The following SLC8A3 variants were observed in gnomAD, a reference collection of about 807,000 sequenced individuals.
SLC8A3 encodes sodium/calcium exchanger 3.
SLC8A3 carries 37 observed loss-of-function variants against 65.4 expected under a neutral mutation model. That is an observed-to-expected ratio of 0.57 (90% CI 0.44 to 0.74). The LOEUF is 0.74. Ranked by LOEUF, SLC8A3 falls within the 30% of genes least tolerant of loss-of-function variation. The probability of loss-of-function intolerance (pLI) is 0.00; values close to 1 mark genes in which losing one functional copy is unlikely to be tolerated. For missense variants in SLC8A3, 1,112 were observed against 1,172.1 expected, an observed-to-expected ratio of 0.95 and a Z score of 0.75; for synonymous variants, 461 against 444.5, an observed-to-expected ratio of 1.04 and a Z score of -0.47.
Position 70,121,766 on chromosome 14 carries a change from G to C in SLC8A3, c.1784+44873C>G, listed in dbSNP as rs79559869. Among the ~76,000 whole-genome samples the C allele has an allele frequency of 4.6e-3, 703 of 152,282 alleles. 8 individuals are homozygous for C. The highest frequency in any genetic ancestry group is 0.014 in the African/African-American group (590 of 41,556). On this transcript the variant is annotated intron_variant, in intron 2 of 6. Coordinates refer to ENST00000356921, the MANE Select transcript of SLC8A3 (RefSeq NM_182932.3). Reference sequence around the variant, plus strand: ...ATGTTCTGCAGGAGGCTGCCTGGGAGCCCAGCTGGGGAGAGGGATTTCTTT... The same window carrying C: ...ATGTTCTGCAGGAGGCTGCCTGGGACCCCAGCTGGGGAGAGGGATTTCTTT...
intron 2 of SLC8A3, among the ~76,000 whole-genome samples, chr14:70,142,253 A>T (rs1468635725): frequency 6.6e-6 from 1 of 152,244 alleles, no homozygotes; most frequent in Non-Finnish European, 1.5e-5. Context: ...CTCTCTTGGG[A>T]GATGCTGTTC....
At chr14:70,052,239 T>C (rs995314372) in intron 3 of SLC8A3, 125 bp from the exon 4 acceptor site, 2 of 1,249,474 alleles carry the variant, frequency 1.6e-6, no homozygotes, top group Admixed American at 5.7e-5. Context: ...GGAGTTTATA[T>C]ATATTTTTAG....
At chr14:70,094,036 T>C (rs969557869) in intron 2 of SLC8A3, among the ~76,000 whole-genome samples, 1 of 152,216 alleles carries the variant, frequency 6.6e-6, no homozygotes, top group African/African-American at 2.4e-5. Flanking sequence ...TGGGCCAGCA[T>C]GGAAAAGTGG....
At chr14:70,142,492 G>A (rs981260850) in intron 2 of SLC8A3, among the ~76,000 whole-genome samples, 2 of 152,226 alleles carry the variant, frequency 1.3e-5, no homozygotes, top group Admixed American at 1.3e-4. Flanking sequence ...TAGAAGGAGT[G>A]TAAGACTGCA....
At chr14:70,121,203 A>T (rs1180715393) in intron 2 of SLC8A3, among the ~76,000 whole-genome samples, 1 of 152,112 alleles carries the variant, frequency 6.6e-6, no homozygotes, top group Admixed American at 6.5e-5. Flanking sequence ...AGCTCATCTG[A>T]TTCCCCTTCC....
intron 2 of SLC8A3, among the ~76,000 whole-genome samples, chr14:70,110,224 T>C (rs1046628585): frequency 5.9e-5 from 9 of 152,304 alleles, no homozygotes; most frequent in South Asian, 2.1e-4. Context: ...TTTTTAAAAA[T>C]GTACAGCTAC....
At chr14:70,105,072 G>A (rs1892769063) in intron 2 of SLC8A3, among the ~76,000 whole-genome samples, 1 of 152,206 alleles carries the variant, frequency 6.6e-6, no homozygotes. Flanking sequence ...GCTCACGCCT[G>A]TAATCCCAGC....
At chr14:70,171,030 C>T (rs1247182201) in intron 1 of SLC8A3, among the ~76,000 whole-genome samples, 2 of 152,204 alleles carry the variant, frequency 1.3e-5, no homozygotes, top group African/African-American at 4.8e-5. Flanking sequence ...TTGACACTCA[C>T]CCACCCTAGA....
intron 2 of SLC8A3, among the ~76,000 whole-genome samples, chr14:70,155,201 G>A (rs955604505): frequency 2.6e-5 from 4 of 152,084 alleles, no homozygotes; most frequent in African/African-American, 4.8e-5. Flanking sequence ...GAATATAGGC[G>A]TGAGCAACCA....
chr14:70,063,881 G>T (rs1889100844), intron 2 of SLC8A3: 1 of 1,612,674 alleles, frequency 6.2e-7, no homozygotes, highest in African/African-American at 1.3e-5. Flanking sequence ...AGTAATTCTT[G>T]TTTTTCTCAT....
At chr14:70,071,705 G>C (rs1473246814) in intron 2 of SLC8A3, among the ~76,000 whole-genome samples, 1 of 152,210 alleles carries the variant, frequency 6.6e-6, no homozygotes. Context: ...AGCCTGCCTG[G>C]ACTTCTGAGA....
chr14:70,140,205 CAACAA>C (rs961254245), intron 2 of SLC8A3, among the ~76,000 whole-genome samples: 1 of 152,022 alleles, frequency 6.6e-6, no homozygotes, highest in African/African-American at 2.4e-5. Flanking sequence ...AGAGGGAGGG[CAACAA>C]AACAAAAGAC....
rs1886561516 is a variant in SLC8A3 at position 70,044,705 on chromosome 14, G to C, written c.*1242C>G. On this transcript the variant is annotated 3_prime_UTR_variant, in exon 7 of 7. Transcript: ENST00000356921. Reference sequence around the variant, plus strand: ...ATTCCAGTTCCTATCTTGTAAAAATGCTTTCATATGTGACCTGAGGGACCA... The same window carrying C: ...ATTCCAGTTCCTATCTTGTAAAAATCCTTTCATATGTGACCTGAGGGACCA... 4.6e-5 allele frequency: 7 copies of C among 152,112 alleles called. No individual in the cohort carries two copies. In the South Asian group the frequency reaches 1.2e-3, roughly 27 times the overall value. The allele number at this position is 152,112 out of a possible 1,614,324, so 9.4% of individuals were successfully genotyped here.
chr14:70,056,660 T>C (rs189991736), intron 3 of SLC8A3, among the ~76,000 whole-genome samples: 2 of 152,304 alleles, frequency 1.3e-5, no homozygotes, highest in East Asian at 3.9e-4. Flanking sequence ...ATCTCATAGA[T>C]CTCTGGTTGG....
intron 1 of SLC8A3, among the ~76,000 whole-genome samples, chr14:70,180,053 G>C (rs762059771): frequency 1.3e-5 from 2 of 152,076 alleles, no homozygotes; most frequent in Non-Finnish European, 2.9e-5. Context: ...AGAATCCCAG[G>C]GCAGCCTGAG....
At chr14:70,179,034 T>A (rs951119) in intron 1 of SLC8A3, among the ~76,000 whole-genome samples, 4,222 of 152,220 alleles carry the variant, frequency 0.028, 194 homozygotes, top group African/African-American at 0.096. Context: ...CCACCCATAC[T>A]CCACTCCAAC....
chr14:70,155,833 T>C (rs1896543081), intron 2 of SLC8A3, among the ~76,000 whole-genome samples: 1 of 152,226 alleles, frequency 6.6e-6, no homozygotes, highest in South Asian at 2.1e-4. Flanking sequence ...TTACATCAGT[T>C]AAATGTCCTC....
At chr14:70,134,869 AC>A (rs1196603946) in intron 2 of SLC8A3, among the ~76,000 whole-genome samples, 2 of 152,196 alleles carry the variant, frequency 1.3e-5, no homozygotes, top group Non-Finnish European at 2.9e-5. Flanking sequence ...GAAGTCCTAA[AC>A]CCTTGTACCT....
chr14:70,082,680 G>T (rs942097377), intron 2 of SLC8A3, among the ~76,000 whole-genome samples: 1 of 152,162 alleles, frequency 6.6e-6, no homozygotes, highest in African/African-American at 2.4e-5. Context: ...CCCCATGGGA[G>T]TGTAGCTGTG....
Sources: gnomAD v4.1 joint callset for allele counts (sites outside exome capture counted in the v4.1 genomes callset) on GRCh38, gnomAD v4.1.1 for gene constraint, MANE v1.5 for transcripts, NCBI Gene and HGNC (gene_info 2026-07-23, HGNC 2026-07-21) for gene names.